The following TRAM1 variants were observed in gnomAD, a reference collection of about 807,000 sequenced individuals.
The protein encoded by TRAM1 is translocation associated membrane protein 1.
Under a neutral mutation model 48.7 loss-of-function variants are expected in TRAM1, and 17 were observed. The ratio of observed to expected loss-of-function variants is 0.35; its 90% CI spans 0.24 to 0.52. TRAM1 has a LOEUF of 0.52. Among genes scored for constraint, TRAM1 ranks in the 20% least tolerant of loss-of-function variants. The pLI is 0.94. For missense variants in TRAM1, 351 were observed against 441.5 expected (o/e 0.79, Z 1.84); for synonymous variants, 182 against 154.0 (o/e 1.18, Z -1.34).
intron 10 of TRAM1, among the ~76,000 whole-genome samples, chr8:70,579,285 T>A (rs1325056839): frequency 6.6e-6 from 1 of 152,218 alleles, no homozygotes; most frequent in Non-Finnish European, 1.5e-5. Flanking sequence ...TTTAGGCAAC[T>A]GTAATACAGT....
chr8:70,604,160 T>G (rs1198446797), intron 1 of TRAM1, among the ~76,000 whole-genome samples: 1 of 152,246 alleles, frequency 6.6e-6, no homozygotes. Flanking sequence ...AAAAGAGACT[T>G]ATTCAGATGC....
At chr8:70,590,627 T>C (rs1200314122) in intron 6 of TRAM1, among the ~76,000 whole-genome samples, 2 of 152,254 alleles carry the variant, frequency 1.3e-5, no homozygotes, top group Non-Finnish European at 2.9e-5. Flanking sequence ...GCCTCCTGAG[T>C]AACTGGGACT....
chr8:70,586,554 G>A (rs890654035), intron 8 of TRAM1, among the ~76,000 whole-genome samples: 49 of 152,032 alleles, frequency 3.2e-4, no homozygotes, highest in African/African-American at 1.2e-3. Context: ...TTATCTATAA[G>A]GCTAATTATC....
chr8:70,588,218 T>A (rs1817267866), intron 6 of TRAM1, among the ~76,000 whole-genome samples: 1 of 151,696 alleles, frequency 6.6e-6, no homozygotes, highest in Admixed American at 6.6e-5. Flanking sequence ...CTCTGTCTTT[T>A]AAAAAAAAGA....
chr8:70,599,467 T>A (rs559251895), intron 2 of TRAM1, among the ~76,000 whole-genome samples: 43 of 152,302 alleles, frequency 2.8e-4, no homozygotes, highest in African/African-American at 9.6e-4. Context: ...AATTTTTACA[T>A]AGATTAAGAA....
chr8:70,579,631 A>T (rs1487475490), intron 10 of TRAM1, among the ~76,000 whole-genome samples: 1 of 152,152 alleles, frequency 6.6e-6, no homozygotes, highest in Non-Finnish European at 1.5e-5. Flanking sequence ...AAACTCTATG[A>T]CTAACTAAAT....
At chr8:70,593,565 A>T (rs1259967142) in intron 6 of TRAM1, among the ~76,000 whole-genome samples, 1 of 151,696 alleles carries the variant, frequency 6.6e-6, no homozygotes, top group Non-Finnish European at 1.5e-5. Flanking sequence ...TTTTGAAGTA[A>T]AATCCCACAT....
In TRAM1 at chr8:70,574,252, A is replaced by C. The variant is rs1334469844; in HGVS notation, c.*680T>G. 2.4e-6 allele frequency: 1 copy of C among 414,688 alleles called. No homozygotes were observed. Among genetic ancestry groups the C allele is most frequent in the Non-Finnish European group, 4.7e-6 (1 of 214,748 alleles). The allele number at this position is 414,688 out of a possible 1,614,324, so 25.7% of individuals were successfully genotyped here. The stretch of plus-strand genomic sequence containing the variant: ...AGTTTACAAGTATTGAAAATGCACA[A>C]GAAAGATTTTACTTCACAAGTACTT... On this transcript the variant is annotated 3_prime_UTR_variant, in exon 11 of 11. Coordinates refer to ENST00000262213, the MANE Select transcript of TRAM1 (RefSeq NM_014294.6).
chr8:70,598,387 C>T (rs892342723), intron 2 of TRAM1, 132 bp from the exon 3 acceptor site: 41 of 795,900 alleles, frequency 5.2e-5, no homozygotes, highest in Non-Finnish European at 6.7e-5. Context: ...TCATAAATAA[C>T]GTGGTCTTGG....
intron 10 of TRAM1, among the ~76,000 whole-genome samples, chr8:70,579,988 T>C (rs535265993): frequency 6.6e-6 from 1 of 152,246 alleles, no homozygotes; most frequent in South Asian, 2.1e-4. Context: ...ACGTAACAAA[T>C]AGTTAAAACT....
At chr8:70,582,659 A>G in intron 10 of TRAM1, among the ~76,000 whole-genome samples, 1 of 152,156 alleles carries the variant, frequency 6.6e-6, no homozygotes, top group East Asian at 1.9e-4. Flanking sequence ...CACTGAAAAA[A>G]TTAACTGTAA....
chr8:70,584,619 A>G (rs1817164639), intron 8 of TRAM1, among the ~76,000 whole-genome samples: 1 of 152,242 alleles, frequency 6.6e-6, no homozygotes, highest in African/African-American at 2.4e-5. Context: ...AAAAATCACA[A>G]GCATTCTTAT....
rs1354148071 is a variant in TRAM1 at position 70,588,218 on chromosome 8, T to TA, written c.571-1043dup. Among the ~76,000 whole-genome samples, 6 of 151,814 alleles carry TA rather than the reference T, an allele frequency of 4.0e-5. No individual in the cohort carries two copies. In the East Asian group the frequency reaches 5.8e-4, roughly 15 times the overall value. On this transcript the variant is annotated intron_variant, in intron 6 of 10. Transcript: ENST00000262213. ...GGTGACAGAGCAAGACTCTGTCTTT[T>TA]AAAAAAAAGACCTACTAGTGGATCA...
At chr8:70,604,216 T>C (rs746735574) in intron 1 of TRAM1, among the ~76,000 whole-genome samples, 7 of 129,884 alleles carry the variant, frequency 5.4e-5, no homozygotes, top group Non-Finnish European at 1.1e-4. Context: ...CCTAATTCTA[T>C]GCTGTATGCA....
rs369296356 is a variant in TRAM1 at position 70,573,905 on chromosome 8, G to T, written c.*1027C>A. 1 of 154,112 alleles carries T rather than the reference G, an allele frequency of 6.5e-6. No homozygotes were observed. Among genetic ancestry groups the T allele is most frequent in the East Asian group, 1.9e-4 (1 of 5,234 alleles). 9.5% of individuals were successfully genotyped at this position (154,112 alleles called of 1,614,324 possible). ...AAAAATATGTTTTATACAGATAAAT[G>T]TTTCTCAATTAAAGATGGGACCAAA... On this transcript the variant is annotated 3_prime_UTR_variant, in exon 11 of 11. Transcript: ENST00000262213.
At position 70,574,441 on chromosome 8, in the gene TRAM1, G is replaced by A. The variant is rs1816898493; in HGVS notation, c.*491C>T. The stretch of plus-strand genomic sequence containing the variant: ...ATTTTACAAATCTTTTTTTCCAGGT[G>A]TAAAGTCTACAAAAATTCCAAAAAA... On this transcript the variant is annotated 3_prime_UTR_variant, in exon 11 of 11. Transcript: ENST00000262213. 3 of 218,720 alleles carry A rather than the reference G, an allele frequency of 1.4e-5. No homozygotes were observed. In the South Asian group the frequency reaches 1.8e-4, roughly 13 times the overall value. The allele number at this position is 218,720 out of a possible 1,614,324, so 13.5% of individuals were successfully genotyped here. A position where few individuals can be genotyped will look rare whatever the true frequency, so the allele number is the denominator to read the frequency against.
rs930368728 is a variant in TRAM1 at position 70,600,910 on chromosome 8, G to A, written c.124-828C>T. ...ACAGTACAGATAGAAGAAACAGAGC[G>A]TGGCAAGATCAAGTAGCAGTGAACA... On this transcript the variant is annotated intron_variant, in intron 1 of 10. Coordinates refer to ENST00000262213, the MANE Select transcript of TRAM1 (RefSeq NM_014294.6). 5.9e-5 allele frequency among the ~76,000 whole-genome samples: 9 copies of A among 152,228 alleles called. No homozygotes were observed. The East Asian group carries it at 7.7e-4, about 13-fold the overall frequency.
Position 70,600,010 on chromosome 8 carries a change from A to T in TRAM1, c.187+9T>A, listed in dbSNP as rs769302669. The T allele has an allele frequency of 2.5e-6, 4 of 1,611,796 alleles. No homozygotes were observed. Among genetic ancestry groups the T allele is most frequent in the Non-Finnish European group, 3.4e-6 (4 of 1,178,354 alleles). ...TTTACGTAGAAAATTCTTAGCGTAAATTACCTACCTGTTGCTGGGAGGGTG... is the reference window on the plus strand; with the variant it reads ...TTTACGTAGAAAATTCTTAGCGTAATTTACCTACCTGTTGCTGGGAGGGTG... On this transcript the variant is annotated intron_variant, in intron 2 of 10. Coordinates refer to ENST00000262213, the MANE Select transcript of TRAM1 (RefSeq NM_014294.6).
intron 10 of TRAM1, among the ~76,000 whole-genome samples, chr8:70,579,591 T>C (rs974348690): frequency 6.6e-6 from 1 of 152,202 alleles, no homozygotes; most frequent in African/African-American, 2.4e-5. Context: ...ATGTAGTCAA[T>C]GCAATTCACA....
Sources: gnomAD v4.1 joint callset for allele counts (sites outside exome capture counted in the v4.1 genomes callset) on GRCh38, gnomAD v4.1.1 for gene constraint, MANE v1.5 for transcripts, NCBI Gene and HGNC (gene_info 2026-07-23, HGNC 2026-07-21) for gene names.